PPCDC: variants seen among roughly 807,000 people sequenced by gnomAD.
PPCDC encodes the protein phosphopantothenoylcysteine decarboxylase.
A neutral mutation model predicts 20.7 loss-of-function variants in PPCDC; 20 were observed. The observed-to-expected ratio is 0.97, with a 90% CI of 0.68 to 1.41. The LOEUF (loss-of-function observed/expected upper bound fraction) is 1.41, where lower values mean the gene tolerates loss of function less well. PPCDC is among the 40% of genes most tolerant of loss of function. The probability of loss-of-function intolerance (pLI) is 0.00; values close to 1 mark genes in which losing one functional copy is unlikely to be tolerated. For synonymous variants in PPCDC, 88 were observed against 100.3 expected (o/e 0.88, Z 0.73); for missense variants, 246 against 263.8 (o/e 0.93, Z 0.47).
intron 4 of PPCDC, 37 bp from the exon 5 acceptor site, chr15:75,048,516 A>G: frequency 6.2e-7 from 1 of 1,600,936 alleles, no homozygotes. Context: ...TGGCAGACAG[A>G]GTAGCAAGAC....
intron 4 of PPCDC, 178 bp downstream of exon 4, chr15:75,044,692 C>A: frequency 1.2e-6 from 1 of 827,754 alleles, no homozygotes; most frequent in Non-Finnish European, 1.8e-6. Context: ...AGCACATGGG[C>A]ACAGCCCTGG....
At chr15:75,036,423 G>C (rs1205321029) in intron 2 of PPCDC, among the ~76,000 whole-genome samples, 1 of 152,144 alleles carries the variant, frequency 6.6e-6, no homozygotes, top group Admixed American at 6.5e-5. Context: ...GACAGCACTG[G>C]GGTCAGTCAG....
intron 4 of PPCDC, among the ~76,000 whole-genome samples, chr15:75,046,443 G>A (rs951856673): frequency 1.3e-5 from 2 of 152,212 alleles, no homozygotes; most frequent in African/African-American, 4.8e-5. Context: ...GCTCTGCAAG[G>A]GCGCTTTCCT....
chr15:75,049,223 C>G lies in PPCDC; in HGVS notation c.603C>G (p.Phe201Leu). Reference protein sequence around the residue: ...VKEVLFQHSGFQQS With the variant: ...VKEVLFQHSGLQQS ...AAGTCCTCTTCCAGCACAGTGGCTT[C>G]CAGCAGAGTTGACCTGGGATTTCTG... is the stretch of plus-strand genomic sequence containing the variant. Residue 201 changes from phenylalanine to leucine, a missense_variant, in exon 6 of 6, where the codon TTC (phenylalanine) becomes TTG (leucine). Around this residue, in one of 2 missense-constraint regions of PPCDC, gnomAD observed 21 missense variants for 41.2 expected, o/e 0.51. Transcript: ENST00000342932. 2 of 1,614,124 alleles carry G rather than the reference C, an allele frequency of 1.2e-6. No individual in the cohort carries two copies. The highest frequency in any genetic ancestry group is 1.7e-6 in the Non-Finnish European group (2 of 1,179,956).
chr15:75,029,558 G>C (rs1213001213), intron 2 of PPCDC, among the ~76,000 whole-genome samples: 1 of 152,162 alleles, frequency 6.6e-6, no homozygotes, highest in Non-Finnish European at 1.5e-5. Context: ...CTTCCACCCA[G>C]AAAGTCACCC....
At chr15:75,044,686 C>A in intron 4 of PPCDC, 172 bp downstream of exon 4, 1 of 867,152 alleles carries the variant, frequency 1.2e-6, no homozygotes, top group Non-Finnish European at 1.7e-6. Context: ...CTCTGTAGCA[C>A]ATGGGCACAG....
At chr15:75,041,084 T>C (rs2066147488) in intron 2 of PPCDC, among the ~76,000 whole-genome samples, 1 of 152,246 alleles carries the variant, frequency 6.6e-6, no homozygotes, top group East Asian at 1.9e-4. Context: ...CTTCTTATGG[T>C]TACCATAACT....
At chr15:75,026,613 T>C (rs2065963101) in intron 1 of PPCDC, among the ~76,000 whole-genome samples, 1 of 152,200 alleles carries the variant, frequency 6.6e-6, no homozygotes, top group Non-Finnish European at 1.5e-5. Flanking sequence ...CCAAGGGGCC[T>C]GTGAGTGAAG....
At chr15:75,025,162 C>T (rs555362467) in intron 1 of PPCDC, among the ~76,000 whole-genome samples, 1 of 152,302 alleles carries the variant, frequency 6.6e-6, no homozygotes, top group Non-Finnish European at 1.5e-5. Context: ...AATCCTCCCA[C>T]CTTGCCCTCT....
In PPCDC at chr15:75,028,265, T is replaced by G; in HGVS notation, c.-54T>G. On this transcript the variant is annotated 5_prime_UTR_variant, in exon 2 of 6. Coordinates refer to ENST00000342932, the MANE Select transcript of PPCDC (RefSeq NM_021823.5). ...CTTTTAGATCCTAAATCCCGACAGCTTTATAGAGCCCAGGCCTGGCAGGCT... is the reference window on the plus strand; with the variant it reads ...CTTTTAGATCCTAAATCCCGACAGCGTTATAGAGCCCAGGCCTGGCAGGCT... 6.3e-7 allele frequency: 1 copy of G among 1,595,560 alleles called. No homozygotes were observed. The highest frequency in any genetic ancestry group is 8.5e-7 in the Non-Finnish European group (1 of 1,174,202).
chr15:75,035,232 G>C (rs2066071169), intron 2 of PPCDC, among the ~76,000 whole-genome samples: 1 of 152,156 alleles, frequency 6.6e-6, no homozygotes, highest in South Asian at 2.1e-4. Flanking sequence ...GGGGACATTG[G>C]ATAATGTCCA....
chr15:75,046,059 A>G (rs989521294), intron 4 of PPCDC, among the ~76,000 whole-genome samples: 1 of 150,888 alleles, frequency 6.6e-6, no homozygotes, highest in Admixed American at 6.6e-5. Flanking sequence ...AAACATATAA[A>G]AAAAATTAGC....
chr15:75,025,690 CTGT>C (rs1210284499), intron 1 of PPCDC, among the ~76,000 whole-genome samples: 2 of 152,140 alleles, frequency 1.3e-5, no homozygotes, highest in African/African-American at 4.8e-5. Flanking sequence ...TCAGGAGTTC[CTGT>C]GAATTCAGCA....
chr15:75,028,484 C>T (rs1339476823), intron 2 of PPCDC, 31 bp downstream of exon 2: 1 of 1,613,602 alleles, frequency 6.2e-7, no homozygotes, highest in East Asian at 2.2e-5. Context: ...AGCATGGCAG[C>T]CTCCGGCATG....
chr15:75,032,730 C>T (rs201296734), intron 2 of PPCDC, among the ~76,000 whole-genome samples: 2 of 128,710 alleles, frequency 1.6e-5, no homozygotes, highest in African/African-American at 6.1e-5. Flanking sequence ...CTGGACCCCC[C>T]CCCCCAAGGC....
chr15:75,038,073 T>C (rs1281446219), intron 2 of PPCDC, among the ~76,000 whole-genome samples: 1 of 152,136 alleles, frequency 6.6e-6, no homozygotes, highest in Non-Finnish European at 1.5e-5. Flanking sequence ...GGCATATCGA[T>C]TTTAGTTTAT....
rs74023917 is a variant in PPCDC, at chr15:75,044,169, C to T, written c.232-217C>T. On this transcript the variant is annotated intron_variant, in intron 3 of 5. Coordinates refer to ENST00000342932, the MANE Select transcript of PPCDC (RefSeq NM_021823.5). ...GAAAGCCAAACCATGAAGGGAATAG[C>T]TCAGAGAGACAAGGGGCACTTGTTT... 0.015 allele frequency among the ~76,000 whole-genome samples: 2,321 copies of T among 152,178 alleles called. 136 individuals carry two copies. The East Asian group carries it at 0.21, about 14-fold the overall frequency.
chr15:75,027,190 C>CA (rs927001448), intron 1 of PPCDC, among the ~76,000 whole-genome samples: 1 of 152,188 alleles, frequency 6.6e-6, no homozygotes, highest in African/African-American at 2.4e-5. Flanking sequence ...AGACAGGTGT[C>CA]ATTCCTGTCT....
At chr15:75,028,098 C>T in intron 1 of PPCDC, 149 bp from the exon 2 acceptor site, 3 of 571,326 alleles carry the variant, frequency 5.3e-6, no homozygotes, top group Non-Finnish European at 9.1e-6. Flanking sequence ...GAAGGTGTCT[C>T]ACTTTCTTAT....
Sources: gnomAD v4.1 joint callset for allele counts (sites outside exome capture counted in the v4.1 genomes callset) on GRCh38, gnomAD v4.1.1 for gene constraint, gnomAD v4.1.1 regional missense constraint, MANE v1.5 for transcripts, NCBI Gene and HGNC (gene_info 2026-07-23, HGNC 2026-07-21) for gene names.